ADAMTSL1: variants seen among roughly 807,000 people sequenced by gnomAD.
ADAMTSL1 encodes ADAMTS like 1, also known as ADAMTS-like protein 1.
A neutral mutation model predicts 201.8 loss-of-function variants in ADAMTSL1; 126 were observed. That is an observed-to-expected ratio of 0.62 (90% CI 0.54 to 0.72). ADAMTSL1 has a LOEUF of 0.72. Ranked by LOEUF, ADAMTSL1 falls within the 30% of genes least tolerant of loss-of-function variation. The pLI is 0.00. For missense variants in ADAMTSL1, 2,679 were observed against 2,277.8 expected (o/e 1.18, Z -3.59); for synonymous variants, 1,121 against 903.4 (o/e 1.24, Z -4.32).
chr9:18,599,530 G>T (rs1824488157), intron 4 of ADAMTSL1, among the ~76,000 whole-genome samples: 1 of 152,140 alleles, frequency 6.6e-6, no homozygotes, highest in Admixed American at 6.5e-5. Context: ...CTTAGGCAGT[G>T]GGTAGGAAGA....
chr9:18,233,508 C>T (rs79728719), intron 2 of ADAMTSL1, among the ~76,000 whole-genome samples: 2,873 of 152,158 alleles, frequency 0.019, 102 homozygotes, highest in African/African-American at 0.066. Flanking sequence ...ATATCGGATG[C>T]CTGCTGTATG....
At chr9:18,358,181 A>G (rs1330633179) in intron 2 of ADAMTSL1, among the ~76,000 whole-genome samples, 1 of 152,218 alleles carries the variant, frequency 6.6e-6, no homozygotes, top group Non-Finnish European at 1.5e-5. Flanking sequence ...AGTGAGAAAT[A>G]TATTAGGTAC....
rs1427709345 is a variant in ADAMTSL1 at position 18,622,499 on chromosome 9, G to C, written c.601+130G>C. Reference sequence around the variant, plus strand: ...GATAATGAACCTGAAAATGTAGAAGGCTTCATGCTCTGGCATGTGAATTAG... The same window carrying C: ...GATAATGAACCTGAAAATGTAGAAGCCTTCATGCTCTGGCATGTGAATTAG... On this transcript the variant is annotated intron_variant, in intron 5 of 28. Coordinates refer to ENST00000380548, the MANE Select transcript of ADAMTSL1 (RefSeq NM_001040272.6). 4.4e-6 allele frequency: 6 copies of C among 1,369,928 alleles called. No individual in the cohort carries two copies. In the African/African-American group the frequency reaches 5.8e-5, roughly 13 times the overall value. The allele number at this position is 1,369,928 out of a possible 1,614,324, so 84.9% of individuals were successfully genotyped here. A position where few individuals can be genotyped will look rare whatever the true frequency, so the allele number is the denominator to read the frequency against.
In ADAMTSL1 at chr9:18,189,644, G is replaced by A. The variant is rs1475253979; in HGVS notation, c.207+25663G>A. Among the ~76,000 whole-genome samples, 5 of 152,166 alleles carry A rather than the reference G, an allele frequency of 3.3e-5. No individual in the cohort carries two copies. In the East Asian group the frequency reaches 9.7e-4, roughly 30 times the overall value. Reference sequence around the variant, plus strand: ...GCCCTTCTTATTCCTCATCCATGGAGCTCCCTGCAACTGTATAGGGTAAAA... The same window carrying A: ...GCCCTTCTTATTCCTCATCCATGGAACTCCCTGCAACTGTATAGGGTAAAA... On this transcript the variant is annotated intron_variant, in intron 2 of 29. Transcript: ENST00000680146.
At chr9:18,688,689 A>AAAATATATATATATATATATATATAT (rs1554730404) in intron 13 of ADAMTSL1, among the ~76,000 whole-genome samples, 1 of 8,650 alleles carries the variant, frequency 1.2e-4, no homozygotes, top group Non-Finnish European at 2.2e-4. Context: ...AAAAAAAAAA[A>AAAATATATATATATATATATATATAT]ATATATATAT....
intron 5 of ADAMTSL1, among the ~76,000 whole-genome samples, chr9:18,629,842 T>C (rs7034394): frequency 0.018 from 2,768 of 152,284 alleles, 84 homozygotes; most frequent in African/African-American, 0.063. Flanking sequence ...GCTGCTACCA[T>C]GCCCCAGTGA....
intron 2 of ADAMTSL1, among the ~76,000 whole-genome samples, chr9:18,448,965 A>G (rs553404926): frequency 9.2e-5 from 14 of 152,216 alleles, no homozygotes; most frequent in East Asian, 7.7e-4. Context: ...TTTTTATACT[A>G]TGCTTTATTG....
intron 24 of ADAMTSL1, among the ~76,000 whole-genome samples, 157 bp from the exon 25 acceptor site, chr9:18,889,411 G>A (rs527635667): frequency 6.6e-6 from 1 of 152,316 alleles, no homozygotes; most frequent in South Asian, 2.1e-4. Flanking sequence ...GTTCGGGAAT[G>A]GTTCCCTGCG....
chr9:18,146,942 A>G (rs1176644850), intron 1 of ADAMTSL1, among the ~76,000 whole-genome samples: 1 of 152,162 alleles, frequency 6.6e-6, no homozygotes, highest in Non-Finnish European at 1.5e-5. Context: ...CTAAGTGGCT[A>G]ACACCTTTCT....
chr9:18,473,677 G>T (rs926378489), upstream of ADAMTSL1, among the ~76,000 whole-genome samples: 1 of 152,068 alleles, frequency 6.6e-6, no homozygotes, highest in African/African-American at 2.4e-5. Flanking sequence ...TTTTGTCTAT[G>T]GTTCTTTCCC....
At chr9:18,766,426 T>C (rs180978868) in intron 16 of ADAMTSL1, among the ~76,000 whole-genome samples, 87 of 152,298 alleles carry the variant, frequency 5.7e-4, no homozygotes, top group Non-Finnish European at 1.1e-3. Context: ...GAATAGAGTG[T>C]AGAGAAGACA....
intron 1 of ADAMTSL1, among the ~76,000 whole-genome samples, chr9:18,151,802 T>A (rs1213853839): frequency 6.6e-6 from 1 of 152,070 alleles, no homozygotes; most frequent in East Asian, 1.9e-4. Flanking sequence ...AATAATATGC[T>A]GTGCTTTTTT....
At chr9:18,064,345 TCGTG>T (rs1196294034) in intron 1 of ADAMTSL1, among the ~76,000 whole-genome samples, 1 of 152,178 alleles carries the variant, frequency 6.6e-6, no homozygotes, top group African/African-American at 2.4e-5. Flanking sequence ...AACTGTAAAT[TCGTG>T]GTAGCCTGGT....
chr9:18,901,541 A>G (rs1160092656), intron 26 of ADAMTSL1, among the ~76,000 whole-genome samples: 1 of 152,210 alleles, frequency 6.6e-6, no homozygotes, highest in Non-Finnish European at 1.5e-5. Context: ...TGGGGATGGG[A>G]AACAGAGTGG....
At chr9:18,690,110 C>T (rs1400467412) in intron 13 of ADAMTSL1, among the ~76,000 whole-genome samples, 1 of 152,112 alleles carries the variant, frequency 6.6e-6, no homozygotes, top group Non-Finnish European at 1.5e-5. Context: ...AAGGGAAATT[C>T]CTGTCATGCA....
chr9:17,959,604 G>A (rs1454542121), intron 1 of ADAMTSL1, among the ~76,000 whole-genome samples: 6 of 151,960 alleles, frequency 3.9e-5, no homozygotes, highest in East Asian at 2.0e-4. Flanking sequence ...AATTACAGGC[G>A]CCTGCCACCA....
chr9:17,997,809 GA>G (rs1819445064), intron 1 of ADAMTSL1, among the ~76,000 whole-genome samples: 1 of 151,980 alleles, frequency 6.6e-6, no homozygotes, highest in African/African-American at 2.4e-5. Flanking sequence ...AGATTTTATG[GA>G]AAAATTTGGG....
At chr9:18,645,291 C>T (rs984977259) in intron 7 of ADAMTSL1, among the ~76,000 whole-genome samples, 28 of 152,092 alleles carry the variant, frequency 1.8e-4, no homozygotes, top group Non-Finnish European at 3.1e-4. Flanking sequence ...GATATTAGCC[C>T]TTTGTCAGAT....
At chr9:18,449,149 A>C (rs969546987) in intron 2 of ADAMTSL1, among the ~76,000 whole-genome samples, 1 of 151,764 alleles carries the variant, frequency 6.6e-6, no homozygotes, top group African/African-American at 2.4e-5. Context: ...AGTTGGGGGG[A>C]TTTAGGGAGG....
Sources: gnomAD v4.1 joint callset for allele counts (sites outside exome capture counted in the v4.1 genomes callset) on GRCh38, gnomAD v4.1.1 for gene constraint, MANE v1.5 for transcripts, NCBI Gene and HGNC (gene_info 2026-07-23, HGNC 2026-07-21) for gene names.